Variants in CD99L2 observed in about 807,000 individuals in gnomAD.
CD99L2 encodes the protein CD99 antigen-like protein 2.
In CD99L2, 24 loss-of-function variants were observed where a neutral mutation model predicts 27.3. The ratio of observed to expected loss-of-function variants is 0.88; its 90% CI spans 0.64 to 1.24. The LOEUF (loss-of-function observed/expected upper bound fraction) is 1.24. Among genes scored for constraint, CD99L2 ranks in the 50% most tolerant of loss-of-function variants. CD99L2 has a pLI of 0.00. For synonymous variants in CD99L2, 97 were observed against 87.9 expected (o/e 1.10, Z -0.58); for missense variants, 255 against 221.6 (o/e 1.15, Z -0.96).
chrX:150,892,807 T>C (rs967819153), intron 1 of CD99L2, among the ~76,000 whole-genome samples: 4 of 109,512 alleles, frequency 3.7e-5, no homozygotes, highest in Non-Finnish European at 7.6e-5. Context: ...GACTCCTGGA[T>C]GGTTTCTGTG....
intron 1 of CD99L2, among the ~76,000 whole-genome samples, chrX:150,885,078 G>A (rs1026303658): frequency 1.8e-5 from 2 of 110,886 alleles, no homozygotes; most frequent in Non-Finnish European, 3.8e-5. Flanking sequence ...ATGATTTATG[G>A]CTGCATACAT....
intron 1 of CD99L2, among the ~76,000 whole-genome samples, chrX:150,845,177 T>C (rs2048634041): frequency 8.9e-6 from 1 of 111,792 alleles, no homozygotes; most frequent in Admixed American, 9.5e-5. Context: ...CTCAGATGCC[T>C]GCAAGGATAA....
intron 1 of CD99L2, among the ~76,000 whole-genome samples, chrX:150,894,242 C>T (rs2047568103): frequency 8.9e-6 from 1 of 111,858 alleles, no homozygotes; most frequent in African/African-American, 3.2e-5. Context: ...ATAAATGATG[C>T]CTTTCAAGGT....
intron 1 of CD99L2, among the ~76,000 whole-genome samples, chrX:150,833,728 T>C (rs1047148128): frequency 4.5e-5 from 5 of 111,535 alleles, no homozygotes; most frequent in African/African-American, 1.6e-4. Flanking sequence ...TATGCACATG[T>C]GGAAGAATGA....
At chrX:150,898,485 CCCCG>C in intron 1 of CD99L2, 33 bp downstream of exon 1, 1 of 1,073,367 alleles carries the variant, frequency 9.3e-7, no homozygotes, top group African/African-American at 2.0e-5. Flanking sequence ...AAGGCGGGGT[CCCCG>C]CGCGGTCCCC....
chrX:150,774,475 C>T (rs1557419195), intron 9 of CD99L2, among the ~76,000 whole-genome samples: 1 of 111,935 alleles, frequency 8.9e-6, no homozygotes, highest in Admixed American at 9.5e-5. Flanking sequence ...TGGGGAAGGC[C>T]ATGTGGATTG....
chrX:150,829,789 A>G (rs376645752), intron 2 of CD99L2, among the ~76,000 whole-genome samples: 3 of 111,725 alleles, frequency 2.7e-5, no homozygotes, highest in East Asian at 2.8e-4. Context: ...AGTAGTTCTC[A>G]TGTCAGTTAG....
intron 2 of CD99L2, among the ~76,000 whole-genome samples, chrX:150,821,101 T>C (rs1603298827): frequency 8.9e-6 from 1 of 111,956 alleles, no homozygotes; most frequent in South Asian, 3.7e-4. Flanking sequence ...CCCAAATTAA[T>C]CTGCAGATCC....
intron 1 of CD99L2, among the ~76,000 whole-genome samples, chrX:150,884,443 C>A (rs1411492992): frequency 3.6e-5 from 4 of 112,009 alleles, no homozygotes; most frequent in African/African-American, 1.3e-4. Context: ...GTTTGGGAAG[C>A]TGAGGTGGGT....
At chrX:150,774,713 C>A (rs1316367491) in intron 9 of CD99L2, among the ~76,000 whole-genome samples, 1 of 112,331 alleles carries the variant, frequency 8.9e-6, no homozygotes, top group African/African-American at 3.2e-5. Context: ...CAAAACTTCC[C>A]CCGCCGCGCT....
At chrX:150,800,719 A>T (rs782216823) in intron 4 of CD99L2, among the ~76,000 whole-genome samples, 1 of 111,533 alleles carries the variant, frequency 9.0e-6, no homozygotes, top group African/African-American at 3.3e-5. Flanking sequence ...AGTAGATTTT[A>T]TATGTATACT....
intron 6 of CD99L2, among the ~76,000 whole-genome samples, chrX:150,794,788 G>C (rs781901336): frequency 3.6e-5 from 4 of 111,947 alleles, no homozygotes; most frequent in South Asian, 7.6e-4. Flanking sequence ...ATGGAATAAA[G>C]TGCCTGTGAG....
chrX:150,777,664 C>G (rs2045422844), intron 7 of CD99L2, among the ~76,000 whole-genome samples, 182 bp from the exon 8 acceptor site: 1 of 112,865 alleles, frequency 8.9e-6, no homozygotes, highest in Non-Finnish European at 1.9e-5. Context: ...TTATGCCTAC[C>G]ACCTGCAAAG....
At chrX:150,890,830 G>A (rs1445028185) in intron 1 of CD99L2, among the ~76,000 whole-genome samples, 2 of 113,240 alleles carry the variant, frequency 1.8e-5, no homozygotes, top group African/African-American at 6.4e-5. Context: ...AGAAGGGTGG[G>A]AAAGGCCTCT....
intron 1 of CD99L2, among the ~76,000 whole-genome samples, chrX:150,877,032 C>T (rs1318144314): frequency 8.2e-5 from 9 of 109,364 alleles, no homozygotes; most frequent in Admixed American, 6.8e-4. Flanking sequence ...CCTATATTCC[C>T]AGTACTTTGG....
At chrX:150,825,101 G>A (rs979343938) in intron 2 of CD99L2, among the ~76,000 whole-genome samples, 1 of 111,779 alleles carries the variant, frequency 8.9e-6, no homozygotes, top group Non-Finnish European at 1.9e-5. Context: ...ATTTGACTTT[G>A]TACCAGTAAA....
chrX:150,859,375 T>TATA (rs2046939382), intron 1 of CD99L2, among the ~76,000 whole-genome samples: 1 of 110,904 alleles, frequency 9.0e-6, no homozygotes, highest in African/African-American at 3.3e-5. Context: ...GGCACGCAGC[T>TATA]ATAATCCCAA....
At chrX:150,894,408 C>T (rs781955414) in intron 1 of CD99L2, among the ~76,000 whole-genome samples, 8 of 111,749 alleles carry the variant, frequency 7.2e-5, no homozygotes, top group African/African-American at 2.6e-4. Flanking sequence ...ATGAGGAAAC[C>T]GTAGCACCGA....
intron 1 of CD99L2, among the ~76,000 whole-genome samples, chrX:150,892,605 C>CAA (rs782464097): frequency 4.0e-4 from 12 of 30,187 alleles, no homozygotes; most frequent in Non-Finnish European, 5.9e-4. Flanking sequence ...GACTCTGTCT[C>CAA]AAAAAAAAAA....
Sources: allele counts gnomAD v4.1 joint callset (sites outside exome capture counted in the v4.1 genomes callset), GRCh38; gene constraint gnomAD v4.1.1; transcripts MANE v1.5; gene names NCBI Gene and HGNC (gene_info 2026-07-23, HGNC 2026-07-21).